Variants in LAMA4 observed in about 807,000 individuals in gnomAD.
The protein encoded by LAMA4 is laminin subunit alpha-4.
Under a neutral mutation model 207.1 loss-of-function variants are expected in LAMA4, and 127 were observed. The ratio of observed to expected loss-of-function variants is 0.61; its 90% CI spans 0.53 to 0.71. LAMA4 has a LOEUF of 0.71. Ranked by LOEUF, LAMA4 falls within the 30% of genes least tolerant of loss-of-function variation. LAMA4 has a pLI of 0.00. For synonymous variants in LAMA4, 761 were observed against 816.0 expected (o/e 0.93, Z 1.15); for missense variants, 2,093 against 2,246.5 (o/e 0.93, Z 1.38).
intron 2 of LAMA4, among the ~76,000 whole-genome samples, chr6:112,246,543 T>C (rs1786946468): frequency 6.8e-6 from 1 of 146,622 alleles, no homozygotes; most frequent in East Asian, 2.0e-4. Flanking sequence ...TTTTTTGAGA[T>C]AGAGTCTCGC....
chr6:112,241,186 T>TATATATGAATAC (rs1554187648), intron 2 of LAMA4, among the ~76,000 whole-genome samples: 1 of 137,402 alleles, frequency 7.3e-6, no homozygotes, highest in Non-Finnish European at 1.6e-5. Context: ...TATATGAATA[T>TATATATGAATAC]ATATGAATAT....
At chr6:112,232,762 T>C (rs782195425) in intron 2 of LAMA4, among the ~76,000 whole-genome samples, 1 of 152,182 alleles carries the variant, frequency 6.6e-6, no homozygotes, top group Non-Finnish European at 1.5e-5. Context: ...AAATCTAGTA[T>C]TCACACTGCC....
intron 2 of LAMA4, among the ~76,000 whole-genome samples, chr6:112,252,717 C>T (rs1354802183): frequency 2.0e-5 from 3 of 152,128 alleles, no homozygotes; most frequent in South Asian, 2.1e-4. Flanking sequence ...GATAATGCTT[C>T]CCTGGGGTTA....
At chr6:112,130,300 T>TTGTGTGTGTGTGTG (rs35563593) in intron 29 of LAMA4, 42 of 382,230 alleles carry the variant, frequency 1.1e-4, no homozygotes, top group African/African-American at 5.1e-4. Context: ...AGCATTATTT[T>TTGTGTGTGTGTGTG]TGTGTGTGTG....
At position 112,114,865 on chromosome 6, in the gene LAMA4, C is replaced by A; in HGVS notation, c.5113-109G>T. 4 of 813,932 alleles carry A rather than the reference C, an allele frequency of 4.9e-6. No homozygotes were observed. The East Asian group carries it at 1.1e-4, about 22-fold the overall frequency. The allele number at this position is 813,932 out of a possible 1,614,324, so 50.4% of individuals were successfully genotyped here. A position where few individuals can be genotyped will look rare whatever the true frequency, so the allele number is the denominator to read the frequency against. On this transcript the variant is annotated intron_variant, in intron 36 of 38. Coordinates refer to ENST00000230538, the MANE Select transcript of LAMA4 (RefSeq NM_001105206.3). The stretch of plus-strand genomic sequence containing the variant: ...AGCAATACTTCAACAAATATTCACA[C>A]ATGATTAGCTTTGCAATTTGAACAC...
intron 6 of LAMA4, 123 bp from the exon 7 acceptor site, chr6:112,189,328 A>G: frequency 1.4e-6 from 1 of 721,388 alleles, no homozygotes; most frequent in Non-Finnish European, 2.5e-6. Context: ...AATTAATTAC[A>G]TTCTTCCTTC....
intron 5 of LAMA4, among the ~76,000 whole-genome samples, chr6:112,194,491 ACT>A (rs1432831880): frequency 2.0e-5 from 3 of 152,130 alleles, no homozygotes; most frequent in Admixed American, 1.3e-4. Context: ...TTTAGAGGAA[ACT>A]CTGAAGTTTT....
In LAMA4 at chr6:112,119,298, C is replaced by T. The variant is rs397516732; in HGVS notation, c.4679G>A (p.Arg1560Gln). The T allele has an allele frequency of 1.7e-5, 28 of 1,613,768 alleles. No individual in the cohort carries two copies. In the African/African-American group the frequency reaches 2.0e-4, roughly 12 times the overall value. ...TACCAGTCGGCCACTGCTCCTTTCT[C>T]GAATAAATATCACCTGGATGAAGAG... is the stretch of plus-strand genomic sequence containing the variant. ...DGLWHDVIFIRERSSGRLVID... is the reference protein window; with the variant it reads ...DGLWHDVIFIQERSSGRLVID... Residue 1560 changes from arginine to glutamine, a missense_variant, in exon 34 of 39, where the codon CGA becomes CAA. By Grantham distance (43) the Arg-to-Gln change is conservative. This residue lies in a region of LAMA4 where 383 missense variants were observed against 437.8 expected (regional missense o/e 0.87). Transcript: ENST00000230538.
At position 112,109,073 on chromosome 6, in the gene LAMA4, C is replaced by T. The variant is rs1240836372; in HGVS notation, c.*364G>A. On this transcript the variant is annotated 3_prime_UTR_variant, in exon 39 of 39. Coordinates refer to ENST00000230538, the MANE Select transcript of LAMA4 (RefSeq NM_001105206.3). ...TTTATATAGATTGAAAGTTATCTTC[C>T]CTGGAAGAAAGGTGAATCTGAGAAT... is the stretch of plus-strand genomic sequence containing the variant. The T allele has an allele frequency of 7.4e-6, 2 of 271,186 alleles. No homozygotes were observed. Among genetic ancestry groups the T allele is most frequent in the South Asian group, 4.3e-5 (1 of 22,996 alleles). The allele number at this position is 271,186 out of a possible 1,614,324, so 16.8% of individuals were successfully genotyped here.
intron 5 of LAMA4, among the ~76,000 whole-genome samples, chr6:112,197,489 G>C (rs1181225464): frequency 6.6e-6 from 1 of 152,190 alleles, no homozygotes; most frequent in Non-Finnish European, 1.5e-5. Context: ...ACCCCTTCCA[G>C]TGTTAGCTTA....
chr6:112,212,164 A>G (rs980380973), intron 3 of LAMA4, among the ~76,000 whole-genome samples: 1 of 151,980 alleles, frequency 6.6e-6, no homozygotes, highest in Non-Finnish European at 1.5e-5. Context: ...GACCAAGTTC[A>G]GGTTGGGAGA....
chr6:112,169,496 C>T (rs546990459), intron 12 of LAMA4, among the ~76,000 whole-genome samples: 52 of 152,220 alleles, frequency 3.4e-4, no homozygotes, highest in Admixed American at 1.2e-3. Context: ...CAAATAAATC[C>T]CTTTTAAGGA....
intron 3 of LAMA4, among the ~76,000 whole-genome samples, chr6:112,210,188 C>A (rs1784286619): frequency 6.6e-6 from 1 of 151,614 alleles, no homozygotes; most frequent in African/African-American, 2.4e-5. Context: ...TATAAATTAC[C>A]CATTCTCAGG....
chr6:112,246,615 A>T (rs1269606920), intron 2 of LAMA4, among the ~76,000 whole-genome samples: 1 of 150,204 alleles, frequency 6.7e-6, no homozygotes, highest in Non-Finnish European at 1.5e-5. Flanking sequence ...CCGCCTCCCG[A>T]GTTCAAGGAA....
At chr6:112,186,460 T>C (rs1301631000) in intron 8 of LAMA4, among the ~76,000 whole-genome samples, 1 of 152,236 alleles carries the variant, frequency 6.6e-6, no homozygotes, top group Non-Finnish European at 1.5e-5. Context: ...TATCCTTTTG[T>C]TGTGATAGAA....
At chr6:112,177,783 CTG>C (rs1318575901) in intron 10 of LAMA4, among the ~76,000 whole-genome samples, 1 of 152,190 alleles carries the variant, frequency 6.6e-6, no homozygotes, top group African/African-American at 2.4e-5. Flanking sequence ...CTGCAAATAA[CTG>C]AGAAAAATCT....
At position 112,129,952 on chromosome 6, in the gene LAMA4, ACTT is replaced by A; in HGVS notation, c.4054_4056del (p.Lys1352del). The A allele has an allele frequency of 6.2e-7, 1 of 1,613,080 alleles. No homozygotes were observed. Among genetic ancestry groups the A allele is most frequent in the African/African-American group, 1.3e-5 (1 of 74,928 alleles). On this transcript the variant is annotated inframe_deletion, in exon 30 of 39. Transcript: ENST00000230538. ...CTGATTGGTGAGCCACCGAAGTAAAACTTCTTTTCACTTGCTTGTGTCTGTTCT... is the reference window on the plus strand; with the variant it reads ...CTGATTGGTGAGCCACCGAAGTAAAACTTTTCACTTGCTTGTGTCTGTTCT...
At chr6:112,166,620 T>G (rs1583775397) in intron 12 of LAMA4, 1 of 153,794 alleles carries the variant, frequency 6.5e-6, no homozygotes, top group Admixed American at 6.5e-5. Flanking sequence ...AGCTGTGTGC[T>G]AATAGCACTG....
intron 2 of LAMA4, among the ~76,000 whole-genome samples, chr6:112,243,056 T>A (rs1786633615): frequency 1.3e-5 from 2 of 152,146 alleles, no homozygotes; most frequent in African/African-American, 4.8e-5. Context: ...GGGGATAGGT[T>A]TAGGGTCATT....
Sources: gnomAD v4.1 joint callset for allele counts (sites outside exome capture counted in the v4.1 genomes callset) on GRCh38, gnomAD v4.1.1 for gene constraint, gnomAD v4.1.1 regional missense constraint, MANE v1.5 for transcripts, NCBI Gene and HGNC (gene_info 2026-07-23, HGNC 2026-07-21) for gene names.